Variants in FAM110B observed in about 807,000 individuals in gnomAD.
FAM110B encodes protein FAM110B.
FAM110B carries 6 observed loss-of-function variants against 20.4 expected under a neutral mutation model. That is an observed-to-expected ratio of 0.29 (90% CI 0.16 to 0.58). The LOEUF (loss-of-function observed/expected upper bound fraction) is 0.58, where lower values mean the gene tolerates loss of function less well. FAM110B is among the 20% of genes least tolerant of loss of function. The probability of loss-of-function intolerance (pLI) is 0.90; values close to 1 mark genes in which losing one functional copy is unlikely to be tolerated. For synonymous variants in FAM110B, 226 were observed against 214.1 expected (o/e 1.06, Z -0.49); for missense variants, 434 against 498.2 (o/e 0.87, Z 1.23).
intron 2 of FAM110B, among the ~76,000 whole-genome samples, chr8:58,053,064 C>T (rs977986118): frequency 6.6e-6 from 1 of 151,426 alleles, no homozygotes; most frequent in Non-Finnish European, 1.5e-5. Flanking sequence ...GGATTACAGG[C>T]GTGAGCCACC....
rs947806224 is a variant in FAM110B, at chr8:58,081,078, C to T, written c.-325+5455C>T. 5.3e-5 allele frequency among the ~76,000 whole-genome samples: 8 copies of T among 152,326 alleles called. No individual in the cohort carries two copies. The South Asian group carries it at 6.2e-4, about 12-fold the overall frequency. On this transcript the variant is annotated intron_variant, in intron 3 of 3. Coordinates refer to ENST00000519262, the MANE Select transcript of FAM110B (RefSeq NM_001377989.1). ...GTGTTGAGCCCTGCTGACTCCTCCTCGAGGGCTCATGCCTCAGCACAGCCC... is the reference window on the plus strand; with the variant it reads ...GTGTTGAGCCCTGCTGACTCCTCCTTGAGGGCTCATGCCTCAGCACAGCCC...
intron 3 of FAM110B, among the ~76,000 whole-genome samples, chr8:58,086,135 C>T (rs535217375): frequency 1.4e-4 from 22 of 152,226 alleles, no homozygotes; most frequent in East Asian, 3.9e-4. Context: ...TGTTCATAAC[C>T]GAATCTGCAG....
chr8:58,003,244 C>T (rs576434464), intron 1 of FAM110B, among the ~76,000 whole-genome samples: 19 of 152,244 alleles, frequency 1.2e-4, no homozygotes, highest in African/African-American at 2.6e-4. Flanking sequence ...CTTCAGGCTC[C>T]GCTTGTAACT....
intron 3 of FAM110B, among the ~76,000 whole-genome samples, chr8:58,093,016 C>T (rs1041273409): frequency 5.9e-5 from 9 of 152,196 alleles, no homozygotes; most frequent in Non-Finnish European, 1.2e-4. Context: ...AACTTTCCTT[C>T]ATATGTTTTT....
chr8:58,089,747 C>G (rs535089059), intron 3 of FAM110B, among the ~76,000 whole-genome samples: 24 of 152,272 alleles, frequency 1.6e-4, no homozygotes, highest in Non-Finnish European at 3.1e-4. Context: ...GCTCACATAG[C>G]TCTTATTTAT....
rs371098697 is a variant in FAM110B, at chr8:58,041,448, A to G, written c.-414+9745A>G. ...TGACTATGTACCATCAGTGGTCCTC[A>G]TTAATTGATTGATGGTGATATTTTA... On this transcript the variant is annotated intron_variant, in intron 2 of 3. Coordinates refer to ENST00000519262, the MANE Select transcript of FAM110B (RefSeq NM_001377989.1). Among the ~76,000 whole-genome samples the G allele has an allele frequency of 1.4e-4, 22 of 152,300 alleles. No individual in the cohort carries two copies. In the East Asian group the frequency reaches 2.5e-3, roughly 17 times the overall value.
intron 3 of FAM110B, among the ~76,000 whole-genome samples, chr8:58,133,278 T>A (rs968029123): frequency 2.0e-5 from 3 of 151,220 alleles, no homozygotes; most frequent in Non-Finnish European, 2.9e-5. Flanking sequence ...ACTTTCATAA[T>A]ACATTAGGTG....
intron 3 of FAM110B, among the ~76,000 whole-genome samples, chr8:58,107,874 T>C (rs1358380879): frequency 1.3e-5 from 2 of 152,200 alleles, no homozygotes; most frequent in Admixed American, 6.5e-5. Flanking sequence ...TTGGGGAACA[T>C]TTGTGCTTTT....
chr8:58,040,749 T>C (rs1805198146), intron 2 of FAM110B, among the ~76,000 whole-genome samples: 1 of 152,008 alleles, frequency 6.6e-6, no homozygotes, highest in Non-Finnish European at 1.5e-5. Flanking sequence ...ATTATAGCTA[T>C]GCAGGATCAG....
intron 3 of FAM110B, among the ~76,000 whole-genome samples, chr8:58,100,119 T>A (rs1367748982): frequency 1.3e-5 from 2 of 152,222 alleles, no homozygotes; most frequent in Non-Finnish European, 2.9e-5. Context: ...GGAAATCTTT[T>A]GGAAATCAGA....
intron 3 of FAM110B, among the ~76,000 whole-genome samples, chr8:58,128,846 A>G (rs920468625): frequency 2.0e-5 from 3 of 151,598 alleles, no homozygotes; most frequent in Non-Finnish European, 4.4e-5. Flanking sequence ...TAAGTTTTAT[A>G]TTTTTTTTTC....
rs369714983 is a variant in FAM110B, at chr8:58,000,907, AT to A, written c.-512+6107del. On this transcript the variant is annotated intron_variant, in intron 1 of 3. Coordinates refer to ENST00000519262, the MANE Select transcript of FAM110B (RefSeq NM_001377989.1). Reference sequence around the variant, plus strand: ...TGGAATGTTGTGATTTTAAAATCAGATTTTTTCCCCCCAATACATTTTATTC... The same window carrying A: ...TGGAATGTTGTGATTTTAAAATCAGATTTTTCCCCCCAATACATTTTATTC... 2.4e-3 allele frequency among the ~76,000 whole-genome samples: 363 copies of A among 152,238 alleles called. 1 individual carries two copies. Among genetic ancestry groups the A allele is most frequent in the African/African-American group, 6.9e-3 (288 of 41,536 alleles).
chr8:58,119,796 G>T (rs538740891), intron 3 of FAM110B, among the ~76,000 whole-genome samples: 1 of 152,140 alleles, frequency 6.6e-6, no homozygotes, highest in Non-Finnish European at 1.5e-5. Context: ...GCAGTTCTTT[G>T]GTACTGACTG....
At chr8:58,023,581 C>T (rs889813273) in intron 1 of FAM110B, among the ~76,000 whole-genome samples, 3 of 152,136 alleles carry the variant, frequency 2.0e-5, no homozygotes, top group African/African-American at 7.2e-5. Context: ...ATGGTAGTCC[C>T]ACAGAACATA....
intron 2 of FAM110B, among the ~76,000 whole-genome samples, chr8:58,033,926 A>T (rs1224181838): frequency 6.6e-6 from 1 of 151,872 alleles, no homozygotes; most frequent in Non-Finnish European, 1.5e-5. Context: ...CAACCCTCCT[A>T]CTACCTTTCC....
rs190273150 is a variant in FAM110B, at chr8:58,067,013, C to A, written c.-413-8522C>A. Among the ~76,000 whole-genome samples the A allele has an allele frequency of 1.3e-4, 20 of 152,300 alleles. No individual in the cohort carries two copies. In the East Asian group the frequency reaches 3.9e-3, roughly 29 times the overall value. On this transcript the variant is annotated intron_variant, in intron 2 of 3. Coordinates refer to ENST00000519262, the MANE Select transcript of FAM110B (RefSeq NM_001377989.1). ...TCTCCTTAAGATAGTGTTTGACCAG[C>A]AACTGAAACTGAGATACTTCCTGCC...
At chr8:58,108,117 A>G (rs1174563652) in intron 3 of FAM110B, among the ~76,000 whole-genome samples, 1 of 152,090 alleles carries the variant, frequency 6.6e-6, no homozygotes, top group Non-Finnish European at 1.5e-5. Flanking sequence ...TTTATCCTTC[A>G]TGTTCATCAG....
At chr8:58,097,648 C>T (rs1806667918) in intron 3 of FAM110B, among the ~76,000 whole-genome samples, 1 of 152,170 alleles carries the variant, frequency 6.6e-6, no homozygotes, top group African/African-American at 2.4e-5. Context: ...AATTTTCAGC[C>T]TTTTTCAGCT....
Position 58,107,862 on chromosome 8 carries a change from G to A in FAM110B, c.-325+32239G>A, listed in dbSNP as rs148610587. 3.6e-3 allele frequency among the ~76,000 whole-genome samples: 545 copies of A among 152,316 alleles called. 3 individuals are homozygous for A. The highest frequency in any genetic ancestry group is 0.013 in the African/African-American group (527 of 41,568). ...GTTACATACCGTAATGAAAAGCCTT[G>A]TTTGGGGAACATTTGTGCTTTTAAA... On this transcript the variant is annotated intron_variant, in intron 3 of 3. Transcript: ENST00000519262.
Sources: allele counts gnomAD v4.1 joint callset (sites outside exome capture counted in the v4.1 genomes callset), GRCh38; gene constraint gnomAD v4.1.1; transcripts MANE v1.5; gene names NCBI Gene and HGNC (gene_info 2026-07-23, HGNC 2026-07-21).